The following LDB3 variants were observed in gnomAD, a reference collection of about 807,000 sequenced individuals.
The protein encoded by LDB3 is LIM domain-binding protein 3.
Under a neutral mutation model 69.0 loss-of-function variants are expected in LDB3, and 49 were observed. That is an observed-to-expected ratio of 0.71 (90% CI 0.56 to 0.90). LDB3 has a LOEUF of 0.90. Among genes scored for constraint, LDB3 ranks in the 40% least tolerant of loss-of-function variants. LDB3 has a pLI of 0.00. For synonymous variants in LDB3, 387 were observed against 396.2 expected (o/e 0.98, Z 0.28); for missense variants, 928 against 974.1 (o/e 0.95, Z 0.63).
chr10:86,711,221 G>C (rs1846643534), intron 9 of LDB3, among the ~76,000 whole-genome samples: 1 of 152,160 alleles, frequency 6.6e-6, no homozygotes, highest in African/African-American at 2.4e-5. Flanking sequence ...GGCGCTTCTG[G>C]CACCTTCCGG....
At chr10:86,720,814 T>A (rs1847056539) in intron 12 of LDB3, among the ~76,000 whole-genome samples, 1 of 152,110 alleles carries the variant, frequency 6.6e-6, no homozygotes, top group African/African-American at 2.4e-5. Flanking sequence ...TCAAAAATGA[T>A]GTTTTGAGTA....
intron 7 of LDB3, among the ~76,000 whole-genome samples, chr10:86,693,597 C>G (rs968616389): frequency 2.0e-5 from 3 of 152,244 alleles, no homozygotes; most frequent in African/African-American, 7.2e-5. Flanking sequence ...GCCAGGCATC[C>G]AAGCCTAAGG....
chr10:86,730,549 G>T (rs372025590), intron 13 of LDB3, among the ~76,000 whole-genome samples: 2 of 152,328 alleles, frequency 1.3e-5, no homozygotes, highest in East Asian at 3.9e-4. Flanking sequence ...TTTCTTCTAT[G>T]GGGTAGGGGA....
In LDB3 at chr10:86,718,854, A is replaced by T; in HGVS notation, c.1978+7A>T. 6.2e-7 allele frequency: 1 copy of T among 1,614,044 alleles called. No homozygotes were observed. The highest frequency in any genetic ancestry group is 8.5e-7 in the Non-Finnish European group (1 of 1,179,982). On this transcript the variant is annotated splice_region_variant and intron_variant, in intron 12 of 13. Coordinates refer to ENST00000361373, the MANE Select transcript of LDB3 (RefSeq NM_007078.3). ...GAGCCCTACTGCGAGAAAGGTAGGA[A>T]CACTTCGATGGCATGTGGGGAGGCC...
chr10:86,692,245 G>A (rs1264298077), intron 6 of LDB3, among the ~76,000 whole-genome samples, 180 bp downstream of exon 6: 1 of 152,226 alleles, frequency 6.6e-6, no homozygotes, highest in Admixed American at 6.5e-5. Flanking sequence ...AGGCTGTCCG[G>A]TGACAGCAGC....
At chr10:86,672,978 C>T (rs1160735198) in intron 2 of LDB3, among the ~76,000 whole-genome samples, 2 of 152,236 alleles carry the variant, frequency 1.3e-5, no homozygotes, top group African/African-American at 4.8e-5. Context: ...GAGTCTCCTT[C>T]CCTTTCTGCA....
At chr10:86,688,175 T>TATC (rs1339022843) in intron 5 of LDB3, among the ~76,000 whole-genome samples, 1 of 152,088 alleles carries the variant, frequency 6.6e-6, no homozygotes, top group Non-Finnish European at 1.5e-5. Flanking sequence ...GTTGGCTGAT[T>TATC]ATCAGTCTCG....
At chr10:86,726,068 GT>G in intron 12 of LDB3, 68 bp from the exon 13 acceptor site, 1 of 1,063,480 alleles carries the variant, frequency 9.4e-7, no homozygotes, top group African/African-American at 1.6e-5. Context: ...CTGATTTGGG[GT>G]TTGTCTTGGC....
chr10:86,720,080 G>T (rs1019231859), intron 12 of LDB3, among the ~76,000 whole-genome samples: 1 of 152,194 alleles, frequency 6.6e-6, no homozygotes, highest in Non-Finnish European at 1.5e-5. Context: ...TCAGAAAGGA[G>T]AAAACATTCA....
intron 9 of LDB3, among the ~76,000 whole-genome samples, chr10:86,711,638 C>T (rs1397174637): frequency 6.6e-6 from 1 of 151,718 alleles, no homozygotes; most frequent in Non-Finnish European, 1.5e-5. Flanking sequence ...CCCGGAGCGC[C>T]GCGGCCGCAG....
intron 6 of LDB3, 126 bp from the exon 7 acceptor site, chr10:86,692,409 C>T: frequency 3.1e-6 from 3 of 976,218 alleles, no homozygotes; most frequent in Non-Finnish European, 5.0e-6. Flanking sequence ...ACACAGTGGA[C>T]AGGCAAGGGG....
At chr10:86,689,268 C>A (rs1845648399) in intron 5 of LDB3, among the ~76,000 whole-genome samples, 1 of 152,074 alleles carries the variant, frequency 6.6e-6, no homozygotes, top group Non-Finnish European at 1.5e-5. Context: ...AGGGCGTCAC[C>A]GCTGGCGTAA....
chr10:86,684,034 C>G (rs766269403), intron 5 of LDB3, among the ~76,000 whole-genome samples: 19 of 152,254 alleles, frequency 1.2e-4, no homozygotes, highest in South Asian at 2.1e-4. Flanking sequence ...AAAGAAGCCC[C>G]TTCCGCTACT....
chr10:86,718,440 T>C (rs1846955308), intron 11 of LDB3, among the ~76,000 whole-genome samples: 1 of 152,212 alleles, frequency 6.6e-6, no homozygotes, highest in Non-Finnish European at 1.5e-5. Flanking sequence ...TAACCCTCAA[T>C]GCCCCTTTGG....
At chr10:86,680,230 G>C in intron 4 of LDB3, 73 bp downstream of exon 4, 1 of 1,405,916 alleles carries the variant, frequency 7.1e-7, no homozygotes, top group Non-Finnish European at 1.0e-6. Flanking sequence ...CAGCCTGCCT[G>C]GTCTTTGGCT....
rs147016926 is a variant in LDB3, at chr10:86,687,430, G to C, written c.690-4466G>C. 1.3e-3 allele frequency among the ~76,000 whole-genome samples: 200 copies of C among 152,358 alleles called. 1 individual carries two copies. The highest frequency in any genetic ancestry group is 4.3e-3 in the African/African-American group (180 of 41,574). Reference sequence around the variant, plus strand: ...AGCCTTCACCAGGGCCTTCTGGAACGTGGGTATCCTCTCTTCAGACCCTCT... The same window carrying C: ...AGCCTTCACCAGGGCCTTCTGGAACCTGGGTATCCTCTCTTCAGACCCTCT... On this transcript the variant is annotated intron_variant, in intron 5 of 13. Coordinates refer to ENST00000361373, the MANE Select transcript of LDB3 (RefSeq NM_007078.3).
At chr10:86,729,689 A>G (rs545991074) in intron 13 of LDB3, among the ~76,000 whole-genome samples, 1 of 152,312 alleles carries the variant, frequency 6.6e-6, no homozygotes, top group Admixed American at 6.5e-5. Context: ...CCTTGCACCA[A>G]GAAGACACTG....
chr10:86,671,387 C>T (rs111317858), intron 2 of LDB3, among the ~76,000 whole-genome samples: 3 of 152,282 alleles, frequency 2.0e-5, no homozygotes, highest in South Asian at 4.2e-4. Context: ...TGGTGGCTCC[C>T]GGGGGCTCAT....
chr10:86,706,183 T>C (rs1846433650), intron 7 of LDB3, among the ~76,000 whole-genome samples: 1 of 148,840 alleles, frequency 6.7e-6, no homozygotes, highest in African/African-American at 2.5e-5. Context: ...GGGAGGAACC[T>C]GGGTGGATAA....
Sources: allele counts gnomAD v4.1 joint callset (sites outside exome capture counted in the v4.1 genomes callset), GRCh38; gene constraint gnomAD v4.1.1; transcripts MANE v1.5; gene names NCBI Gene and HGNC (gene_info 2026-07-23, HGNC 2026-07-21).